Variants in ODAD3 observed in about 807,000 individuals in gnomAD.
ODAD3 encodes outer dynein arm-docking complex subunit 3.
ODAD3 carries 57 observed loss-of-function variants against 70.9 expected under a neutral mutation model. That is an observed-to-expected ratio of 0.80 (90% confidence interval 0.65 to 1.00). The LOEUF (loss-of-function observed/expected upper bound fraction) is 1.00. Among genes scored for constraint, ODAD3 ranks in the 50% least tolerant of loss-of-function variants. The pLI is 0.00. For synonymous variants in ODAD3, 327 were observed against 315.9 expected, an observed-to-expected ratio of 1.04 and a Z score of -0.37; for missense variants, 797 against 763.9, an observed-to-expected ratio of 1.04 and a Z score of -0.51.
intron 11 of ODAD3, 27 bp from the exon 12 acceptor site, chr19:11,421,239 GA>G (rs1568346066): frequency 6.2e-7 from 1 of 1,601,520 alleles, no homozygotes; most frequent in East Asian, 2.2e-5. Context: ...AGCGAGAGAG[GA>G]AGGTGGGCGG....
At chr19:11,426,028 C>T in intron 7 of ODAD3, 116 bp downstream of exon 7, 3 of 1,320,280 alleles carry the variant, frequency 2.3e-6, no homozygotes, top group Non-Finnish European at 3.0e-6. Context: ...AGAGAGGGGG[C>T]GGGGTTAGGA....
In ODAD3 at chr19:11,422,789, G is replaced by T; in HGVS notation, c.1189C>A (p.Gln397Lys). The change falls in exon 9 of 13, where the codon CAG becomes AAG. Residue 397 changes from glutamine (Q) to lysine (K), a missense_variant. Coordinates refer to ENST00000356392, the MANE Select transcript of ODAD3 (RefSeq NM_145045.5). This position sits in a 1 kb window ranked among gnomAD's most constrained non-coding sequence, Gnocchi z 4.6. ...QLETLKSENE[Q>K]TLVRLKQEKQ... ...TCCTGCTTCAGCCTCACCAACGTCT[G>T]CTCGTTCTCGCTCTTGAGCGTCTCC... The T allele has an allele frequency of 6.2e-7, 1 of 1,610,606 alleles. No homozygotes were observed.
chr19:11,426,872 C>T lies in ODAD3; in HGVS notation c.612+1G>A. The T allele has an allele frequency of 6.2e-7, 1 of 1,609,840 alleles. No homozygotes were observed. The highest frequency in any genetic ancestry group is 8.5e-7 in the Non-Finnish European group (1 of 1,177,352). On this transcript the variant is annotated splice_donor_variant, in intron 4 of 12. Transcript: ENST00000356392. LOFTEE classifies it high-confidence loss of function. ...GCCCTGCAGGCCTCACCCGCCCCTACCTTGGCCACCTCCGTGTGTCTGTTT... is the reference window on the plus strand; with the variant it reads ...GCCCTGCAGGCCTCACCCGCCCCTATCTTGGCCACCTCCGTGTGTCTGTTT...
chr19:11,435,009 G>C lies in ODAD3; in HGVS notation c.8C>G (p.Ser3Cys), dbSNP rs756389981. The C allele has an allele frequency of 6.2e-7, 1 of 1,610,498 alleles. No homozygotes were observed. Among genetic ancestry groups the C allele is most frequent in the South Asian group, 1.1e-5 (1 of 91,056 alleles). ...GGCGGAGGCCGCCCTGCACAGAGGAGATGTCATGATGGGGTTGGGGCTGAA... is the reference window on the plus strand; with the variant it reads ...GGCGGAGGCCGCCCTGCACAGAGGACATGTCATGATGGGGTTGGGGCTGAA... MT[S>C]PLCRAASANA... Residue 3 changes from serine to cysteine, a missense_variant, in exon 1 of 13, where the codon TCT becomes TGT. By Grantham distance (112) the Ser-to-Cys change is moderately radical. Transcript: ENST00000356392.
intron 1 of ODAD3, among the ~76,000 whole-genome samples, chr19:11,432,140 C>A (rs1161955022): frequency 6.6e-6 from 1 of 151,996 alleles, no homozygotes; most frequent in Non-Finnish European, 1.5e-5. Flanking sequence ...AACAAAAAAC[C>A]CCAAAATCCT....
rs372728273 is a variant in ODAD3 at position 11,420,906 on chromosome 19, C to T, written c.1717G>A (p.Ala573Thr). The change falls in exon 13 of 13, where the codon GCA (alanine) becomes ACA (threonine). Residue 573 changes from alanine to threonine, a missense_variant. Physicochemically the swap from Ala to Thr is moderately conservative, Grantham distance 58 (BLOSUM62 0). Transcript: ENST00000356392. ...TTCTGGGAACGGATCTTGAGTGATG[C>T]GCGGGTCACTACCTCGTTGTCCTCC... ...EEEDNEVVTR[A>T]SLKIRSQKLI... 4 of 1,613,720 alleles carry T rather than the reference C, an allele frequency of 2.5e-6. No individual in the cohort carries two copies. The highest frequency in any genetic ancestry group is 1.3e-5 in the African/African-American group (1 of 74,792).
chr19:11,425,228 T>C (rs1440200186), intron 7 of ODAD3, among the ~76,000 whole-genome samples: 2 of 138,762 alleles, frequency 1.4e-5, no homozygotes, highest in Non-Finnish European at 3.0e-5. Flanking sequence ...TATATGTGTG[T>C]ATATGTACAT....
At chr19:11,426,326 GTGC>G in intron 6 of ODAD3, 60 bp from the exon 7 acceptor site, 1 of 1,609,780 alleles carries the variant, frequency 6.2e-7, no homozygotes, top group Non-Finnish European at 8.5e-7. Context: ...CCGCCGCAGG[GTGC>G]TGGGAGATAG....
intron 3 of ODAD3, among the ~76,000 whole-genome samples, chr19:11,428,557 A>T (rs1196722451): frequency 1.3e-5 from 2 of 149,956 alleles, no homozygotes; most frequent in Admixed American, 6.7e-5. Flanking sequence ...AATTTTTATA[A>T]TTATTTTTTC....
Position 11,426,920 on chromosome 19 carries a change from G to A in ODAD3, c.565C>T (p.Leu189Phe), listed in dbSNP as rs774428383. ...TTTTGCGCCTCCGCCATCTCCAGAA[G>A]GCGCAGGCTGTGCTGCAGCTGGAGC... is the stretch of plus-strand genomic sequence containing the variant. Reference protein sequence around the residue: ...EELQLQHSLRLLEMAEAQNRH... With the variant: ...EELQLQHSLRFLEMAEAQNRH... Residue 189 changes from leucine (L) to phenylalanine (F), a missense_variant, in exon 4 of 13, where the codon CTT becomes TTT. Leu to Phe is a conservative substitution (Grantham distance 22). Coordinates refer to ENST00000356392, the MANE Select transcript of ODAD3 (RefSeq NM_145045.5). The A allele has an allele frequency of 1.2e-6, 2 of 1,610,424 alleles. No individual in the cohort carries two copies. The highest frequency in any genetic ancestry group is 1.7e-5 in the Admixed American group (1 of 59,956).
In ODAD3 at chr19:11,424,026, G is replaced by A; in HGVS notation, c.967C>T (p.His323Tyr). ...LENERMERKT[H>Y]REHLLLQSDD... ...GACTGTAGCAGCAGGTGCTCGCGGTGGGTCTGCTCGTGGGTTGAGGTCAGA... is the reference window on the plus strand; with the variant it reads ...GACTGTAGCAGCAGGTGCTCGCGGTAGGTCTGCTCGTGGGTTGAGGTCAGA... The change falls in exon 8 of 13, where the codon CAC becomes TAC. Residue 323 changes from histidine (H) to tyrosine (Y), a missense_variant. His to Tyr is a moderately conservative substitution (Grantham distance 83). Coordinates refer to ENST00000356392, the MANE Select transcript of ODAD3 (RefSeq NM_145045.5). 6.2e-7 allele frequency: 1 copy of A among 1,607,778 alleles called. No individual in the cohort carries two copies. Among genetic ancestry groups the A allele is most frequent in the Non-Finnish European group, 8.5e-7 (1 of 1,179,306 alleles).
intron 3 of ODAD3, among the ~76,000 whole-genome samples, chr19:11,428,188 G>A (rs946195287): frequency 3.2e-4 from 49 of 151,956 alleles, no homozygotes; most frequent in Non-Finnish European, 6.3e-4. Context: ...CTCCTTCCTC[G>A]GCCTCCCAAA....
chr19:11,427,239 C>T (rs1969400945), intron 3 of ODAD3, among the ~76,000 whole-genome samples, 199 bp from the exon 4 acceptor site: 1 of 151,958 alleles, frequency 6.6e-6, no homozygotes, highest in East Asian at 1.9e-4. Context: ...TATCGACCAC[C>T]TTGGCGATCT....
intron 1 of ODAD3, among the ~76,000 whole-genome samples, chr19:11,431,807 G>A (rs1405475077): frequency 6.6e-6 from 1 of 151,726 alleles, no homozygotes; most frequent in African/African-American, 2.4e-5. Context: ...GCCGTGCATG[G>A]TGGCAGGCAC....
chr19:11,431,768 A>G (rs1386840714), intron 1 of ODAD3, among the ~76,000 whole-genome samples: 1 of 146,668 alleles, frequency 6.8e-6, no homozygotes, highest in Non-Finnish European at 1.5e-5. Flanking sequence ...TCCCGCCTCT[A>G]CTAAAAATAC....
intron 7 of ODAD3, among the ~76,000 whole-genome samples, chr19:11,425,569 A>ATG (rs1969339980): frequency 1.5e-5 from 2 of 132,246 alleles, no homozygotes; most frequent in African/African-American, 7.1e-5. Context: ...ATATGTGTGT[A>ATG]TGTATGTATA....
rs1254982604 is a variant in ODAD3, at chr19:11,425,055, GTA to G, written c.964-1028_964-1027del. Reference sequence around the variant, plus strand: ...CATATATACATATGTGTATATATGTGTATATGTGTATATATGTATATGTGTAT... The same window carrying G: ...CATATATACATATGTGTATATATGTGTATGTGTATATATGTATATGTGTAT... On this transcript the variant is annotated intron_variant, in intron 7 of 12. Transcript: ENST00000356392. Among the ~76,000 whole-genome samples, 68 of 113,656 alleles carry G rather than the reference GTA, an allele frequency of 6.0e-4. 6 individuals are homozygous for G. Among genetic ancestry groups the G allele is most frequent in the Admixed American group, 3.8e-3 (49 of 12,776 alleles). The allele number at this position is 113,656 out of a possible 152,430, so 74.6% of individuals were successfully genotyped here.
intron 7 of ODAD3, among the ~76,000 whole-genome samples, chr19:11,425,121 ACATATGTGTATATGTG>A (rs1190336686): frequency 7.5e-6 from 1 of 132,836 alleles, no homozygotes; most frequent in Non-Finnish European, 1.5e-5. Flanking sequence ...GTGTATATGT[ACATATGTGTATATGTG>A]TATATGTACA....
chr19:11,427,828 C>T (rs1030875170), intron 3 of ODAD3, among the ~76,000 whole-genome samples: 5 of 148,412 alleles, frequency 3.4e-5, no homozygotes, highest in African/African-American at 9.9e-5. Context: ...AGGCTGGGCG[C>T]GGTGGCTCCC....
Sources: gnomAD v4.1 joint callset for allele counts (sites outside exome capture counted in the v4.1 genomes callset) on GRCh38, gnomAD v4.1.1 for gene constraint, Gnocchi (gnomAD v3.1) non-coding constraint, MANE v1.5 for transcripts, NCBI Gene and HGNC (gene_info 2026-07-23, HGNC 2026-07-21) for gene names.